Variants in SERAC1 observed in about 807,000 individuals in gnomAD.
The protein encoded by SERAC1 is serine active site containing 1.
Under a neutral mutation model 85.7 loss-of-function variants are expected in SERAC1, and 36 were observed. That is an observed-to-expected ratio of 0.42 (90% CI 0.32 to 0.55). The LOEUF (loss-of-function observed/expected upper bound fraction) is 0.55. SERAC1 is among the 20% of genes least tolerant of loss of function. SERAC1 has a pLI of 0.11. For missense variants in SERAC1, 629 were observed against 796.2 expected (o/e 0.79, Z 2.53); for synonymous variants, 242 against 265.3 (o/e 0.91, Z 0.85).
Position 158,110,978 on chromosome 6 carries a change from A to G in SERAC1, c.*388T>C, listed in dbSNP as rs1276782169. The G allele has an allele frequency of 6.4e-6, 1 of 155,936 alleles. No homozygotes were observed. Among genetic ancestry groups the G allele is most frequent in the African/African-American group, 2.4e-5 (1 of 41,580 alleles). 9.7% of individuals were successfully genotyped at this position (155,936 alleles called of 1,614,324 possible). A position where few individuals can be genotyped will look rare whatever the true frequency, so the allele number is the denominator to read the frequency against. On this transcript the variant is annotated 3_prime_UTR_variant, in exon 17 of 17. Transcript: ENST00000647468. ...TCTCTCCATTTTAGGTACTCTCTTA[A>G]TGGCATTTTTATGGTAAGTTGAGTT...
At chr6:158,150,684 T>G (rs1423979523) in intron 3 of SERAC1, 95 bp from the exon 4 acceptor site, 3 of 874,728 alleles carry the variant, frequency 3.4e-6, no homozygotes, top group Admixed American at 2.2e-5. Context: ...GTAAACTTCT[T>G]TTTTGTTGGG....
rs1233722491 is a variant in SERAC1, at chr6:158,120,487, T to G, written c.1104A>C (p.Arg368=). 2 of 1,614,024 alleles carry G rather than the reference T, an allele frequency of 1.2e-6. No homozygotes were observed. The highest frequency in any genetic ancestry group is 1.7e-6 in the Non-Finnish European group (2 of 1,180,012). The change falls in exon 11 of 17, where the codon CGA becomes CGC. Residue 368 remains arginine (R), a synonymous_variant. Transcript: ENST00000647468. The surrounding 1 kb of genome is among the most constrained non-coding windows in gnomAD (Gnocchi z 4.4). The part of the protein sequence containing the change: ...HAARILANLD[R]ETVQEKYQDG... ...CCTGATATTTTTCTTGCACAGTTTC[T>G]CGGTCTAGATTTGCCAGGATTCTGG...
At position 158,121,240 on chromosome 6, in the gene SERAC1, G is replaced by A. The variant is rs115049221; in HGVS notation, c.1016-665C>T. On this transcript the variant is annotated intron_variant, in intron 10 of 16. Transcript: ENST00000647468. ...ATCTATACACTAAACTTATAAAGTC[G>A]TTACCTTTTAGGAGAGAGATAGGGT... is the stretch of plus-strand genomic sequence containing the variant. Among the ~76,000 whole-genome samples, 602 of 152,088 alleles carry A rather than the reference G, an allele frequency of 4.0e-3. 6 individuals are homozygous for A. Among genetic ancestry groups the A allele is most frequent in the African/African-American group, 0.014 (568 of 41,498 alleles).
intron 1 of SERAC1, among the ~76,000 whole-genome samples, chr6:158,164,567 G>A (rs1469841510): frequency 6.6e-6 from 1 of 151,948 alleles, no homozygotes; most frequent in Non-Finnish European, 1.5e-5. Context: ...GACTAAGAAA[G>A]ACACAGAAAA....
At chr6:158,123,116 T>C (rs1490027750) in intron 10 of SERAC1, among the ~76,000 whole-genome samples, 1 of 152,126 alleles carries the variant, frequency 6.6e-6, no homozygotes, top group African/African-American at 2.4e-5. Context: ...AGAATTCAAA[T>C]TGGAGTACTG....
chr6:158,158,754 AT>A (rs1785416925), intron 1 of SERAC1: 1 of 161,592 alleles, frequency 6.2e-6, no homozygotes, highest in Non-Finnish European at 1.4e-5. Context: ...ATATGTATAT[AT>A]GTATTTATCT....
intron 1 of SERAC1, chr6:158,158,600 G>T: frequency 2.9e-6 from 1 of 346,900 alleles, no homozygotes; most frequent in South Asian, 4.8e-5. Flanking sequence ...GTGTCCAATT[G>T]TGCATAGTTT....
chr6:158,156,750 TTA>T (rs1424227540), intron 2 of SERAC1, among the ~76,000 whole-genome samples: 1 of 141,602 alleles, frequency 7.1e-6, no homozygotes, highest in Non-Finnish European at 1.5e-5. Context: ...TATATTATTT[TTA>T]TATATAAATA....
intron 3 of SERAC1, chr6:158,151,068 G>A (rs1271804196): frequency 6.5e-6 from 1 of 154,594 alleles, no homozygotes; most frequent in Non-Finnish European, 1.4e-5. Context: ...GGTCCATCAG[G>A]AGGCATCCAG....
At chr6:158,127,356 C>T (rs1231669834) in intron 10 of SERAC1, among the ~76,000 whole-genome samples, 19 of 81,796 alleles carry the variant, frequency 2.3e-4, no homozygotes, top group African/African-American at 3.9e-4. Context: ...CCAGCCGCCC[C>T]GTCCGGGAGG....
chr6:158,118,894 T>C, intron 12 of SERAC1, 135 bp downstream of exon 12: 1 of 1,068,730 alleles, frequency 9.4e-7, no homozygotes, highest in Non-Finnish European at 1.3e-6. Context: ...CAAAACATAC[T>C]ACAAATCTCC....
At chr6:158,113,838 C>T (rs1032514082) in intron 15 of SERAC1, among the ~76,000 whole-genome samples, 2 of 152,072 alleles carry the variant, frequency 1.3e-5, no homozygotes, top group East Asian at 1.9e-4. Flanking sequence ...GGAAGCAGTT[C>T]CCAGGGCAGT....
rs116763934 is a variant in SERAC1, at chr6:158,120,457, G to A, written c.1134C>T (p.Gly378=). The A allele has an allele frequency of 7.8e-4, 1,262 of 1,613,412 alleles. 7 individuals carry two copies. The African/African-American group carries it at 0.014, about 18-fold the overall frequency. The part of the protein sequence containing the change: ...RETVQEKYQD[G]VYVLHPQYRT... ...GATATTGGGGATGCAGCACATATAC[G>A]CCATCCTGATATTTTTCTTGCACAG... The change falls in exon 11 of 17, where the codon GGC becomes GGT. Residue 378 remains glycine, a synonymous_variant. Coordinates refer to ENST00000647468, the MANE Select transcript of SERAC1 (RefSeq NM_032861.4). The surrounding 1 kb of genome is among the most constrained non-coding windows in gnomAD (Gnocchi z 4.4).
Position 158,164,164 on chromosome 6 carries a change from T to C in SERAC1, c.-2+3976A>G, listed in dbSNP as rs540463768. Among the ~76,000 whole-genome samples the C allele has an allele frequency of 9.9e-5, 15 of 152,042 alleles. No individual in the cohort carries two copies. The South Asian group carries it at 2.9e-3, about 30-fold the overall frequency. ...ATAATTTTAGAGTCTGCTTGTCAAT[T>C]TCTATTTAAAAGCACCTTTAAGATT... On this transcript the variant is annotated intron_variant, in intron 1 of 16. Coordinates refer to ENST00000647468, the MANE Select transcript of SERAC1 (RefSeq NM_032861.4).
Position 158,142,957 on chromosome 6 carries a change from C to CA in SERAC1, c.738+98dup, listed in dbSNP as rs915878360. 1.1e-5 allele frequency: 10 copies of CA among 922,560 alleles called. No homozygotes were observed. In the African/African-American group the frequency reaches 1.5e-4, roughly 14 times the overall value. The allele number at this position is 922,560 out of a possible 1,614,324, so 57.1% of individuals were successfully genotyped here. On this transcript the variant is annotated intron_variant, in intron 8 of 16. Transcript: ENST00000647468. ...GGCATGACACACAACCAGAAGTTAG[C>CA]ATGTTTACTCAGTTACTGGGTGAAT...
chr6:158,154,869 C>G (rs1371170749), intron 3 of SERAC1, among the ~76,000 whole-genome samples: 2 of 152,076 alleles, frequency 1.3e-5, no homozygotes, highest in Non-Finnish European at 2.9e-5. Context: ...TGTGTCAGAG[C>G]TGAGTGAGTG....
intron 10 of SERAC1, among the ~76,000 whole-genome samples, chr6:158,123,080 G>A (rs1192877594): frequency 3.9e-5 from 6 of 152,100 alleles, no homozygotes; most frequent in Non-Finnish European, 7.4e-5. Flanking sequence ...GATGCCTAAA[G>A]AGAAAAAAAC....
rs1784279733 is a variant in SERAC1 at position 158,116,053 on chromosome 6, C to T, written c.1501+132G>A. 6 of 687,200 alleles carry T rather than the reference C, an allele frequency of 8.7e-6. No individual in the cohort carries two copies. In the East Asian group the frequency reaches 1.3e-4, roughly 15 times the overall value. The allele number at this position is 687,200 out of a possible 1,614,324, so 42.6% of individuals were successfully genotyped here. A position where few individuals can be genotyped will look rare whatever the true frequency, so the allele number is the denominator to read the frequency against. ...TTTAAAAGTCCTAGCCATAGCTACA[C>T]AGATTAATTTAGCAGGGGGGGTAAG... On this transcript the variant is annotated intron_variant, in intron 14 of 16. Coordinates refer to ENST00000647468, the MANE Select transcript of SERAC1 (RefSeq NM_032861.4).
chr6:158,153,849 G>A (rs192715287), intron 3 of SERAC1, among the ~76,000 whole-genome samples: 7 of 151,986 alleles, frequency 4.6e-5, no homozygotes, highest in East Asian at 3.9e-4. Flanking sequence ...CTCTGCCCTC[G>A]GCCAAGGGCA....
Sources: allele counts gnomAD v4.1 joint callset (sites outside exome capture counted in the v4.1 genomes callset), GRCh38; gene constraint gnomAD v4.1.1; non-coding constraint Gnocchi (gnomAD v3.1); transcripts MANE v1.5; gene names NCBI Gene and HGNC (gene_info 2026-07-23, HGNC 2026-07-21).